ZRANB3: variants seen among roughly 807,000 people sequenced by gnomAD.
The protein encoded by ZRANB3 is zinc finger RANBP2-type containing 3.
ZRANB3 carries 125 observed loss-of-function variants against 133.8 expected under a neutral mutation model. That is an observed-to-expected ratio of 0.93 (90% CI 0.81 to 1.08). The LOEUF (loss-of-function observed/expected upper bound fraction) is 1.08, where lower values mean the gene tolerates loss of function less well. Ranked by LOEUF, ZRANB3 falls within the 50% of genes least tolerant of loss-of-function variation. ZRANB3 has a pLI of 0.00. For synonymous variants in ZRANB3, 387 were observed against 432.7 expected (o/e 0.89, Z 1.31); for missense variants, 1,229 against 1,275.5 (o/e 0.96, Z 0.56).
chr2:135,407,624 G>A (rs1210454654), intron 2 of ZRANB3, among the ~76,000 whole-genome samples: 4 of 151,372 alleles, frequency 2.6e-5, no homozygotes, highest in African/African-American at 9.8e-5. Context: ...CCAAAACAGA[G>A]ATATAGACCA....
At chr2:135,457,108 A>G (rs192497378) in intron 2 of ZRANB3, among the ~76,000 whole-genome samples, 1 of 152,182 alleles carries the variant, frequency 6.6e-6, no homozygotes, top group Non-Finnish European at 1.5e-5. Flanking sequence ...TCCTTAACTC[A>G]GCATGATGTT....
intron 1 of ZRANB3, among the ~76,000 whole-genome samples, chr2:135,527,383 A>G (rs1305095117): frequency 3.3e-5 from 5 of 151,840 alleles, no homozygotes; most frequent in Admixed American, 2.6e-4. Context: ...ACATGGTGAA[A>G]CCCCATCTCT....
intron 12 of ZRANB3, among the ~76,000 whole-genome samples, chr2:135,237,504 C>T (rs946014999): frequency 7.3e-5 from 11 of 150,916 alleles, no homozygotes; most frequent in East Asian, 1.9e-4. Flanking sequence ...ATGTTTATTG[C>T]GGCATTATTC....
chr2:135,395,074 G>A (rs868669686), intron 2 of ZRANB3, among the ~76,000 whole-genome samples: 3 of 151,770 alleles, frequency 2.0e-5, no homozygotes, highest in South Asian at 2.1e-4. Context: ...AAACAAAACC[G>A]GAGGAATCAC....
intron 6 of ZRANB3, among the ~76,000 whole-genome samples, chr2:135,326,717 C>G (rs1228639352): frequency 6.6e-6 from 1 of 151,628 alleles, no homozygotes; most frequent in African/African-American, 2.4e-5. Context: ...CTGGCCAACA[C>G]GGTGAAACCC....
At chr2:135,390,654 T>A in intron 3 of ZRANB3, 148 bp downstream of exon 3, 1 of 1,081,960 alleles carries the variant, frequency 9.2e-7, no homozygotes, top group Non-Finnish European at 1.3e-6. Context: ...TCTCTCCCCC[T>A]CCCTCCTCAC....
rs751865909 is a variant in ZRANB3, at chr2:135,275,746, C to T, written c.976G>A (p.Val326Ile). 6 of 1,568,246 alleles carry T rather than the reference C, an allele frequency of 3.8e-6. No individual in the cohort carries two copies. The highest frequency in any genetic ancestry group is 4.6e-5 in the East Asian group (2 of 43,616). The change falls in exon 9 of 21, where the codon GTA (valine) becomes ATA (isoleucine). Residue 326 changes from valine to isoleucine, a missense_variant. By Grantham distance (29) the Val-to-Ile change is conservative. Transcript: ENST00000264159. The stretch of plus-strand genomic sequence containing the variant: ...AGCATCATCTTAATATAATCCTTTA[C>T]AGCACCTGCCTAAATATTAAAAGGT... ...KQTAIAKAGA[V>I]KDYIKMMLQN...
intron 2 of ZRANB3, among the ~76,000 whole-genome samples, chr2:135,464,327 C>A (rs1292581503): frequency 1.3e-5 from 2 of 152,100 alleles, no homozygotes; most frequent in African/African-American, 4.8e-5. Context: ...GTTTTCAGAG[C>A]TGGCTAATAC....
chr2:135,415,182 C>A lies in ZRANB3; in HGVS notation c.162-24362G>T, dbSNP rs549423700. 3.1e-3 allele frequency among the ~76,000 whole-genome samples: 463 copies of A among 149,224 alleles called. 2 individuals carry two copies. Among genetic ancestry groups the A allele is most frequent in the African/African-American group, 0.01 (427 of 40,804 alleles). On this transcript the variant is annotated intron_variant, in intron 2 of 20. Transcript: ENST00000264159. The stretch of plus-strand genomic sequence containing the variant: ...TGAATCCAGGAGCTGGTTTTTTGAA[C>A]GGATCAACAAAATTGATAGACCACT...
chr2:135,269,196 AAAGT>A, intron 10 of ZRANB3, 55 bp from the exon 11 acceptor site: 2 of 1,403,906 alleles, frequency 1.4e-6, no homozygotes, highest in Admixed American at 5.2e-5. Flanking sequence ...AATATATAAT[AAAGT>A]ATTTCTGAAC....
chr2:135,436,655 A>C (rs1302311577), intron 2 of ZRANB3, among the ~76,000 whole-genome samples: 1 of 152,220 alleles, frequency 6.6e-6, no homozygotes, highest in African/African-American at 2.4e-5. Flanking sequence ...TCATGGATAC[A>C]AAGAATCAAT....
chr2:135,458,330 A>G (rs898828858), intron 2 of ZRANB3, among the ~76,000 whole-genome samples: 1 of 152,074 alleles, frequency 6.6e-6, no homozygotes, highest in African/African-American at 2.4e-5. Flanking sequence ...GACTTTCTCA[A>G]AATTGTTTTG....
chr2:135,455,732 T>C (rs1472117930), intron 2 of ZRANB3, among the ~76,000 whole-genome samples: 1 of 151,240 alleles, frequency 6.6e-6, no homozygotes, highest in Non-Finnish European at 1.5e-5. Context: ...GCTCAGACTA[T>C]AGGCGCCCAC....
Position 135,246,045 on chromosome 2 carries a change from T to C in ZRANB3, c.1540-15118A>G, listed in dbSNP as rs550907686. Among the ~76,000 whole-genome samples, 28 of 144,118 alleles carry C rather than the reference T, an allele frequency of 1.9e-4. No homozygotes were observed. In the South Asian group the frequency reaches 5.2e-3, roughly 27 times the overall value. The allele number at this position is 144,118 out of a possible 152,430, so 94.5% of individuals were successfully genotyped here. On this transcript the variant is annotated intron_variant, in intron 12 of 20. Transcript: ENST00000264159. ...TCTTTTCTTTTCTTTCTTTCTTTTT[T>C]TTTTTTTTTTTGAGACAGAGTCTTG... is the stretch of plus-strand genomic sequence containing the variant.
At chr2:135,252,458 G>A (rs1437079473) in intron 12 of ZRANB3, among the ~76,000 whole-genome samples, 1 of 152,118 alleles carries the variant, frequency 6.6e-6, no homozygotes, top group Non-Finnish European at 1.5e-5. Context: ...CTTCCAATAA[G>A]GACAATGAGA....
In ZRANB3 at chr2:135,254,875, C is replaced by T. The variant is rs921240716; in HGVS notation, c.1539+10659G>A. 4.6e-5 allele frequency among the ~76,000 whole-genome samples: 7 copies of T among 151,914 alleles called. 1 individual carries two copies. The South Asian group carries it at 6.2e-4, about 14-fold the overall frequency. On this transcript the variant is annotated intron_variant, in intron 12 of 20. Transcript: ENST00000264159. Reference sequence around the variant, plus strand: ...ACACCATTCTCCTGCCTCAGCCTCCCGAGCAGCTGGGACTACAGGCACACA... The same window carrying T: ...ACACCATTCTCCTGCCTCAGCCTCCTGAGCAGCTGGGACTACAGGCACACA...
intron 2 of ZRANB3, among the ~76,000 whole-genome samples, chr2:135,482,815 T>A (rs981101695): frequency 6.6e-6 from 1 of 152,218 alleles, no homozygotes; most frequent in Non-Finnish European, 1.5e-5. Flanking sequence ...TATTGAGAGT[T>A]TTCAGCATGA....
intron 1 of ZRANB3, among the ~76,000 whole-genome samples, chr2:135,508,999 G>C (rs1198667719): frequency 2.0e-5 from 3 of 151,906 alleles, no homozygotes; most frequent in Admixed American, 6.6e-5. Flanking sequence ...CTTATAGCAA[G>C]GCGGGGGGAG....
intron 1 of ZRANB3, chr2:135,530,384 G>C (rs1387319763): frequency 6.6e-6 from 1 of 152,144 alleles, no homozygotes; most frequent in East Asian, 1.9e-4. Context: ...CCGGGGTGGA[G>C]AAAGTAATAA....
Sources: gnomAD v4.1 joint callset for allele counts (sites outside exome capture counted in the v4.1 genomes callset) on GRCh38, gnomAD v4.1.1 for gene constraint, MANE v1.5 for transcripts, NCBI Gene and HGNC (gene_info 2026-07-23, HGNC 2026-07-21) for gene names.